DNAJC6: variants seen among roughly 807,000 people sequenced by gnomAD.
DNAJC6 encodes the protein auxilin.
DNAJC6 carries 34 observed loss-of-function variants against 110.0 expected under a neutral mutation model. The ratio of observed to expected loss-of-function variants is 0.31; its 90% CI spans 0.24 to 0.41. The LOEUF (loss-of-function observed/expected upper bound fraction) is 0.41. Ranked by LOEUF, DNAJC6 falls within the 10% of genes least tolerant of loss-of-function variation. The pLI is 1.00. For synonymous variants in DNAJC6, 406 were observed against 437.2 expected (o/e 0.93, Z 0.89); for missense variants, 1,031 against 1,207.8 (o/e 0.85, Z 2.17).
At chr1:65,402,410 G>A (rs1023109638) in intron 15 of DNAJC6, among the ~76,000 whole-genome samples, 1 of 152,208 alleles carries the variant, frequency 6.6e-6, no homozygotes, top group African/African-American at 2.4e-5. Context: ...GTTAATAGAT[G>A]TTACAGGATA....
At chr1:65,342,519 G>C (rs538228184) in intron 1 of DNAJC6, among the ~76,000 whole-genome samples, 1 of 152,070 alleles carries the variant, frequency 6.6e-6, no homozygotes. Context: ...GGACTTTCTC[G>C]TCTCCAGAAC....
At chr1:65,328,813 A>G (rs1056218271) in intron 1 of DNAJC6, among the ~76,000 whole-genome samples, 13 of 152,190 alleles carry the variant, frequency 8.5e-5, no homozygotes, top group Admixed American at 2.0e-4. Flanking sequence ...GAGGCATTTT[A>G]TAATTCTCCA....
chr1:65,379,258 G>A, intron 4 of DNAJC6, 144 bp from the exon 5 acceptor site: 2 of 904,646 alleles, frequency 2.2e-6, no homozygotes, highest in East Asian at 2.9e-5. Context: ...TCTTCTTCAT[G>A]CATTTGGACC....
rs1344777486 is a variant in DNAJC6, at chr1:65,268,243, T to C, written c.-131+3311T>C. On this transcript the variant is annotated intron_variant, in intron 1 of 19. Coordinates refer to the DNAJC6 transcript ENST00000263441. ...CCTTAAGAACTGCCTGCCTGCCTTT[T>C]CCATCTTTTTAGTTCATCTTAGGGA... Among the ~76,000 whole-genome samples, 4 of 152,204 alleles carry C rather than the reference T, an allele frequency of 2.6e-5. No individual in the cohort carries two copies. In the South Asian group the frequency reaches 8.3e-4, roughly 32 times the overall value.
At chr1:65,371,660 G>A (rs1232855334) in intron 4 of DNAJC6, among the ~76,000 whole-genome samples, 3 of 152,172 alleles carry the variant, frequency 2.0e-5, no homozygotes, top group African/African-American at 7.2e-5. Context: ...AAGGGATGAT[G>A]GAGAGATGAA....
intron 5 of DNAJC6, among the ~76,000 whole-genome samples, chr1:65,381,080 A>G (rs1557552196): frequency 6.6e-6 from 1 of 150,898 alleles, no homozygotes; most frequent in Non-Finnish European, 1.5e-5. Context: ...CACCACACCC[A>G]GATAATTTTT....
intron 1 of DNAJC6, among the ~76,000 whole-genome samples, chr1:65,293,147 C>T (rs1168350383): frequency 6.6e-6 from 1 of 152,228 alleles, no homozygotes; most frequent in African/African-American, 2.4e-5. Flanking sequence ...ATAGCATAAA[C>T]AACACACACT....
rs1410646096 is a variant in DNAJC6, at chr1:65,384,268, G to A, written c.742G>A (p.Ala248Thr). 1 of 1,588,704 alleles carries A rather than the reference G, an allele frequency of 6.3e-7. No individual in the cohort carries two copies. Among genetic ancestry groups the A allele is most frequent in the Non-Finnish European group, 8.6e-7 (1 of 1,169,220 alleles). Residue 248 changes from alanine to threonine, a missense_variant, in exon 6 of 19, where the codon GCC becomes ACC. Physicochemically the swap from Ala to Thr is moderately conservative, Grantham distance 58 (BLOSUM62 0). Coordinates refer to ENST00000371069, the MANE Select transcript of DNAJC6 (RefSeq NM_001256864.2). ...TAATCTCTACTCTACTCCTGGCCCA[G>A]CCATTCGATTGCTATATGCAAAGCG... The part of the protein sequence containing the change: ...FCNLYSTPGP[A>T]IRLLYAKRPG...
At chr1:65,340,801 A>C (rs1194730814) in intron 1 of DNAJC6, among the ~76,000 whole-genome samples, 1 of 152,182 alleles carries the variant, frequency 6.6e-6, no homozygotes, top group African/African-American at 2.4e-5. Flanking sequence ...ACAGTGTGGC[A>C]TAGGGCTGTG....
chr1:65,302,203 T>C (rs1275149493), intron 1 of DNAJC6, among the ~76,000 whole-genome samples: 1 of 142,964 alleles, frequency 7.0e-6, no homozygotes, highest in Non-Finnish European at 1.5e-5. Flanking sequence ...ATATATACAT[T>C]AATATATTAT....
At chr1:65,409,713 AGT>A (rs1224094982) in intron 17 of DNAJC6, among the ~76,000 whole-genome samples, 1 of 152,168 alleles carries the variant, frequency 6.6e-6, no homozygotes, top group Non-Finnish European at 1.5e-5. Flanking sequence ...GGCTGAGGGA[AGT>A]GTGGCTCCTG....
chr1:65,265,351 G>T (rs563298801), intron 1 of DNAJC6, among the ~76,000 whole-genome samples: 1 of 152,198 alleles, frequency 6.6e-6, no homozygotes, highest in East Asian at 1.9e-4. Context: ...AAACAGTTTG[G>T]GTTCTGAAGG....
At chr1:65,303,481 G>T (rs1022614578) in intron 1 of DNAJC6, among the ~76,000 whole-genome samples, 7 of 151,860 alleles carry the variant, frequency 4.6e-5, no homozygotes, top group Non-Finnish European at 8.8e-5. Context: ...TAAAATGGAT[G>T]GTTTCTTAGA....
intron 1 of DNAJC6, among the ~76,000 whole-genome samples, chr1:65,269,878 A>G (rs906394778): frequency 3.3e-5 from 5 of 152,366 alleles, no homozygotes; most frequent in Middle Eastern, 3.4e-3. Flanking sequence ...TAGAAATGAT[A>G]GTGCCCTCCG....
chr1:65,366,144 C>G lies in DNAJC6; in HGVS notation c.491C>G (p.Thr164Arg). The change falls in exon 4 of 19, where the codon ACA (threonine) becomes AGA (arginine). Residue 164 changes from threonine to arginine, a missense_variant. By Grantham distance (71) the Thr-to-Arg change is moderately conservative (BLOSUM62 -1). Coordinates refer to ENST00000371069, the MANE Select transcript of DNAJC6 (RefSeq NM_001256864.2). The stretch of plus-strand genomic sequence containing the variant: ...GATTCCAGACATCTTGACCACTACA[C>G]AGTATACAATCTGTCACCTAAGTCT... Reference protein sequence around the residue: ...FLDSRHLDHYTVYNLSPKSYR... With the variant: ...FLDSRHLDHYRVYNLSPKSYR... The G allele has an allele frequency of 6.2e-7, 1 of 1,613,890 alleles. No homozygotes were observed. The highest frequency in any genetic ancestry group is 8.5e-7 in the Non-Finnish European group (1 of 1,179,830).
intron 1 of DNAJC6, among the ~76,000 whole-genome samples, chr1:65,347,560 A>G (rs912799999): frequency 6.6e-6 from 1 of 151,980 alleles, no homozygotes; most frequent in African/African-American, 2.4e-5. Flanking sequence ...TTATTGTGTA[A>G]TGCAACGTAT....
At chr1:65,267,127 C>T (rs987438734) in intron 1 of DNAJC6, among the ~76,000 whole-genome samples, 1 of 152,080 alleles carries the variant, frequency 6.6e-6, no homozygotes, top group Admixed American at 6.5e-5. Flanking sequence ...GAACTCCTGA[C>T]CTCAGGTGAT....
chr1:65,301,533 A>T (rs1644978662), intron 1 of DNAJC6, among the ~76,000 whole-genome samples: 1 of 152,196 alleles, frequency 6.6e-6, no homozygotes, highest in Non-Finnish European at 1.5e-5. Flanking sequence ...TTGGGTTCCC[A>T]TGATCCCCTC....
intron 1 of DNAJC6, among the ~76,000 whole-genome samples, chr1:65,292,654 C>CA (rs1156464549): frequency 6.6e-6 from 1 of 151,992 alleles, no homozygotes; most frequent in Non-Finnish European, 1.5e-5. Context: ...AGGCTGGTCT[C>CA]AAACTCCTGG....
Sources: allele counts gnomAD v4.1 joint callset (sites outside exome capture counted in the v4.1 genomes callset), GRCh38; gene constraint gnomAD v4.1.1; transcripts MANE v1.5; gene names NCBI Gene and HGNC (gene_info 2026-07-23, HGNC 2026-07-21).